Variants in OR8J1 observed in about 807,000 individuals in gnomAD.
OR8J1 encodes olfactory receptor family 8 subfamily J member 1.
For missense variants in OR8J1, 400 were observed against 373.0 expected (o/e 1.07, Z -0.60); for synonymous variants, 157 against 144.3 (o/e 1.09, Z -0.63).
chr11:56,356,033 G>A (rs1854962800), intron 1 of OR8J1, among the ~76,000 whole-genome samples: 1 of 152,194 alleles, frequency 6.6e-6, no homozygotes, highest in Non-Finnish European at 1.5e-5. Context: ...GAAAAGTCAT[G>A]TGAATCTGAT....
chr11:56,361,206 A>G lies in OR8J1; in HGVS notation c.*9A>G. On this transcript the variant is annotated 3_prime_UTR_variant, in exon 2 of 2. Coordinates refer to ENST00000533152, the MANE Select transcript of OR8J1 (RefSeq NM_001005205.3). ...CCTTTAAAACAATGTAATTTTAAAC[A>G]GTACAGGTAAATGAGGAGAGAGTTA... is the stretch of plus-strand genomic sequence containing the variant. 2.7e-6 allele frequency: 3 copies of G among 1,123,878 alleles called. No individual in the cohort carries two copies. Among genetic ancestry groups the G allele is most frequent in the Non-Finnish European group, 3.5e-6 (3 of 850,394 alleles). The allele number at this position is 1,123,878 out of a possible 1,614,324, so 69.6% of individuals were successfully genotyped here. A position where few individuals can be genotyped will look rare whatever the true frequency, so the allele number is the denominator to read the frequency against.
At chr11:56,354,908 T>A (rs12364581) in intron 1 of OR8J1, among the ~76,000 whole-genome samples, 23,722 of 152,120 alleles carry the variant, frequency 0.16, 2,228 homozygotes, top group Non-Finnish European at 0.21. Context: ...GCATTTTACT[T>A]CAGAAGAAAT....
chr11:56,355,867 T>C (rs1854960938), intron 1 of OR8J1, among the ~76,000 whole-genome samples: 1 of 152,168 alleles, frequency 6.6e-6, no homozygotes, highest in South Asian at 2.1e-4. Flanking sequence ...TTTAAATGTA[T>C]GGAGCCACTG....
In OR8J1 at chr11:56,360,944, G is replaced by C. The variant is rs1852630326; in HGVS notation, c.698G>C (p.Gly233Ala). The C allele has an allele frequency of 1.4e-6, 2 of 1,476,270 alleles. No homozygotes were observed. Among genetic ancestry groups the C allele is most frequent in the Admixed American group, 2.6e-5 (1 of 39,066 alleles). 91.4% of individuals were successfully genotyped at this position (1,476,270 alleles called of 1,614,324 possible). ...LSILKICSSE[G>A]RKKAFSTCAS... ...ATTTTAAAAATATGTTCATCAGAAG[G>C]AAGGAAAAAAGCCTTTTCTACCTGT... Residue 233 changes from glycine to alanine, a missense_variant, in exon 2 of 2, where the codon GGA (glycine) becomes GCA (alanine). Transcript: ENST00000533152.
intron 1 of OR8J1, among the ~76,000 whole-genome samples, chr11:56,356,598 G>T (rs1854972068): frequency 1.3e-5 from 2 of 152,060 alleles, no homozygotes; most frequent in South Asian, 4.1e-4. Context: ...CGTAGTGTTT[G>T]GAAATAAAAG....
rs893067362 is a variant in OR8J1, at chr11:56,360,595, T to G, written c.349T>G (p.Leu117Val). ...FIVSEVIMLA[L>V]MAYDRYVAIC... ...TGTATCGGAGGTAATCATGCTGGCT[T>G]TGATGGCCTATGACCGCTATGTGGC... Residue 117 changes from leucine to valine, a missense_variant, in exon 2 of 2, where the codon TTG becomes GTG. Physicochemically the swap from Leu to Val is conservative, Grantham distance 32 (BLOSUM62 1). Coordinates refer to ENST00000533152, the MANE Select transcript of OR8J1 (RefSeq NM_001005205.3). The G allele has an allele frequency of 1.2e-6, 2 of 1,613,952 alleles. No individual in the cohort carries two copies. The highest frequency in any genetic ancestry group is 1.6e-4 in the Middle Eastern group (1 of 6,062).
Position 56,360,708 on chromosome 11 carries a change from T to C in OR8J1, c.462T>C (p.Ser154=). ...CCCTCACATACCTCTATGGCTTTTC[T>C]ACAGCTATTGTGGTTTCATCTTATG... ...LVSLTYLYGF[S]TAIVVSSYVF... Residue 154 remains serine (S), a synonymous_variant, in exon 2 of 2, where the codon TCT becomes TCC. Coordinates refer to ENST00000533152, the MANE Select transcript of OR8J1 (RefSeq NM_001005205.3). The C allele has an allele frequency of 6.2e-7, 1 of 1,611,936 alleles. No individual in the cohort carries two copies. Among genetic ancestry groups the C allele is most frequent in the Non-Finnish European group, 8.5e-7 (1 of 1,179,338 alleles).
At chr11:56,356,868 T>G (rs1854975610) in intron 1 of OR8J1, among the ~76,000 whole-genome samples, 1 of 152,184 alleles carries the variant, frequency 6.6e-6, no homozygotes, top group South Asian at 2.1e-4. Flanking sequence ...TCACTTTGCT[T>G]ACTCCATCTT....
At chr11:56,356,845 T>C (rs988822814) in intron 1 of OR8J1, among the ~76,000 whole-genome samples, 1 of 152,202 alleles carries the variant, frequency 6.6e-6, no homozygotes, top group African/African-American at 2.4e-5. Context: ...TAAAGCTTAA[T>C]ATGTTCAAAA....
chr11:56,360,178 C>T (rs1852613987), intron 1 of OR8J1, 49 bp from the exon 2 acceptor site: 1 of 1,270,792 alleles, frequency 7.9e-7, no homozygotes, highest in East Asian at 2.3e-5. Context: ...TAAGGGCAGT[C>T]CTGCAAATAA....
At position 56,360,240 on chromosome 11, in the gene OR8J1, C is replaced by T. The variant is rs1852614719; in HGVS notation, c.-7C>T. On this transcript the variant is annotated 5_prime_UTR_variant, in exon 2 of 2. Coordinates refer to ENST00000533152, the MANE Select transcript of OR8J1 (RefSeq NM_001005205.3). ...TCCCCCAAACAGATGAATTTCCAAA[C>T]TCTGACATGGCTCCTGAAAATTTCA... is the stretch of plus-strand genomic sequence containing the variant. 1 of 1,553,796 alleles carries T rather than the reference C, an allele frequency of 6.4e-7. No homozygotes were observed. Among genetic ancestry groups the T allele is most frequent in the Non-Finnish European group, 8.7e-7 (1 of 1,155,314 alleles).
rs144487068 is a variant in OR8J1, at chr11:56,360,606, T to C, written c.360T>C (p.Tyr120=). 118 of 1,613,640 alleles carry C rather than the reference T, an allele frequency of 7.3e-5. No homozygotes were observed. The highest frequency in any genetic ancestry group is 9.5e-5 in the Non-Finnish European group (112 of 1,179,858). Residue 120 remains tyrosine, a synonymous_variant, in exon 2 of 2, where the codon TAT becomes TAC. Transcript: ENST00000533152. ...TAATCATGCTGGCTTTGATGGCCTATGACCGCTATGTGGCTATTTGTAACC... is the reference window on the plus strand; with the variant it reads ...TAATCATGCTGGCTTTGATGGCCTACGACCGCTATGTGGCTATTTGTAACC... ...SEVIMLALMA[Y]DRYVAICNPL... is the part of the protein sequence containing the mutation.
Position 56,356,660 on chromosome 11 carries a change from A to T in OR8J1, c.-21+2335A>T, listed in dbSNP as rs535357388. On this transcript the variant is annotated intron_variant, in intron 1 of 1. Coordinates refer to ENST00000533152, the MANE Select transcript of OR8J1 (RefSeq NM_001005205.3). The stretch of plus-strand genomic sequence containing the variant: ...TGATCTTCAGTGGGAAATGATGCAA[A>T]CTGAATGAAGAACAAGTTAGGAATT... 5.9e-5 allele frequency among the ~76,000 whole-genome samples: 9 copies of T among 152,342 alleles called. No individual in the cohort carries two copies. The East Asian group carries it at 1.5e-3, about 26-fold the overall frequency.
intron 1 of OR8J1, among the ~76,000 whole-genome samples, chr11:56,359,627 T>C (rs897871045): frequency 6.6e-6 from 1 of 151,852 alleles, no homozygotes; most frequent in African/African-American, 2.4e-5. Context: ...CTAAAAAAAA[T>C]TGTCACCTGA....
At chr11:56,354,499 T>C (rs1854941582) in intron 1 of OR8J1, among the ~76,000 whole-genome samples, 174 bp downstream of exon 1, 2 of 152,172 alleles carry the variant, frequency 1.3e-5, no homozygotes, top group East Asian at 1.9e-4. Context: ...TTTTTAGGAA[T>C]AGAGGGCATC....
chr11:56,360,612 C>T lies in OR8J1; in HGVS notation c.366C>T (p.Arg122=). The T allele has an allele frequency of 6.2e-7, 1 of 1,613,340 alleles. No homozygotes were observed. Among genetic ancestry groups the T allele is most frequent in the East Asian group, 2.2e-5 (1 of 44,866 alleles). The part of the protein sequence containing the change: ...VIMLALMAYD[R]YVAICNPLLY... ...TGCTGGCTTTGATGGCCTATGACCG[C>T]TATGTGGCTATTTGTAACCCTCTGC... is the stretch of plus-strand genomic sequence containing the variant. The change falls in exon 2 of 2, where the codon CGC becomes CGT. Residue 122 remains arginine, a synonymous_variant. Transcript: ENST00000533152.
At chr11:56,359,200 T>C (rs1031684678) in intron 1 of OR8J1, among the ~76,000 whole-genome samples, 1 of 152,066 alleles carries the variant, frequency 6.6e-6, no homozygotes, top group African/African-American at 2.4e-5. Context: ...GTTGGCTTAG[T>C]TAGGGGTAGA....
intron 1 of OR8J1, among the ~76,000 whole-genome samples, chr11:56,359,696 A>C (rs1852607279): frequency 6.6e-6 from 1 of 152,158 alleles, no homozygotes; most frequent in Non-Finnish European, 1.5e-5. Flanking sequence ...TAAAAAAGAG[A>C]GAAAAAGCAA....
At chr11:56,357,175 A>G (rs752502523) in intron 1 of OR8J1, among the ~76,000 whole-genome samples, 1 of 152,124 alleles carries the variant, frequency 6.6e-6, no homozygotes, top group African/African-American at 2.4e-5. Flanking sequence ...TTTCAATCCT[A>G]TAATTCATTA....
Sources: allele counts gnomAD v4.1 joint callset (sites outside exome capture counted in the v4.1 genomes callset), GRCh38; gene constraint gnomAD v4.1.1; transcripts MANE v1.5; gene names NCBI Gene and HGNC (gene_info 2026-07-23, HGNC 2026-07-21).